Variants in TTC21B observed in about 807,000 individuals in gnomAD.
The protein encoded by TTC21B is tetratricopeptide repeat protein 21B.
Under a neutral mutation model 175.1 loss-of-function variants are expected in TTC21B, and 127 were observed. The ratio of observed to expected loss-of-function variants is 0.73; its 90% CI spans 0.63 to 0.84. TTC21B has a LOEUF of 0.84. Among genes scored for constraint, TTC21B ranks in the 40% least tolerant of loss-of-function variants. TTC21B has a pLI of 0.00. For missense variants in TTC21B, 1,561 were observed against 1,558.3 expected, an observed-to-expected ratio of 1.00 and a Z score of -0.03; for synonymous variants, 524 against 524.5, an observed-to-expected ratio of 1.00 and a Z score of 0.01.
intron 22 of TTC21B, among the ~76,000 whole-genome samples, chr2:165,895,652 AG>A (rs1263762092): frequency 3.4e-4 from 52 of 152,306 alleles, no homozygotes; most frequent in Non-Finnish European, 7.4e-5. Context: ...TAGAAATGGC[AG>A]GGAAAAAAAC....
intron 20 of TTC21B, 111 bp from the exon 21 acceptor site, chr2:165,899,991 ATGCC>A: frequency 6.6e-6 from 3 of 455,414 alleles, no homozygotes; most frequent in East Asian, 6.6e-5. Context: ...TTGCAATAAA[ATGCC>A]AAGTATAATA....
At position 165,888,477 on chromosome 2, in the gene TTC21B, G is replaced by C. The variant is rs189122492; in HGVS notation, c.3264-3C>G. 2.1e-5 allele frequency: 33 copies of C among 1,605,418 alleles called. No individual in the cohort carries two copies. The Admixed American group carries it at 3.7e-4, about 18-fold the overall frequency. On this transcript the variant is annotated splice_region_variant and splice_polypyrimidine_tract_variant and intron_variant, in intron 24 of 28. Transcript: ENST00000243344. ...ATTCTTGCTTCTCAGTTGAATTACTGTATATAATTAAAAATAAATCACTTC... is the reference window on the plus strand; with the variant it reads ...ATTCTTGCTTCTCAGTTGAATTACTCTATATAATTAAAAATAAATCACTTC...
At chr2:165,923,182 A>C (rs967209314) in intron 12 of TTC21B, among the ~76,000 whole-genome samples, 1 of 152,150 alleles carries the variant, frequency 6.6e-6, no homozygotes, top group Non-Finnish European at 1.5e-5. Context: ...AGACTTCAGC[A>C]CTATACAATT....
chr2:165,929,271 T>C lies in TTC21B; in HGVS notation c.1250A>G (p.Asn417Ser). The C allele has an allele frequency of 6.2e-7, 1 of 1,612,848 alleles. No individual in the cohort carries two copies. The highest frequency in any genetic ancestry group is 8.5e-7 in the Non-Finnish European group (1 of 1,179,250). ...KKNKRQEEVI[N>S]LLNDVLDTHF... ...AGTGTCCAGGACATCATTTAACAAA[T>C]TAATAACTTCTTCTTGTCGTTTATT... The change falls in exon 11 of 29, where the codon AAT becomes AGT. Residue 417 changes from asparagine (N) to serine (S), a missense_variant. By Grantham distance (46) the Asn-to-Ser change is conservative (BLOSUM62 1). Coordinates refer to ENST00000243344, the MANE Select transcript of TTC21B (RefSeq NM_024753.5).
Position 165,876,209 on chromosome 2 carries a change from A to C in TTC21B, c.3829T>G (p.Leu1277Val). ...GAATCCACATATCTTTTTGCTTTTAAGTAATTAAATGCCAGTTTGTATCCT... is the reference window on the plus strand; with the variant it reads ...GAATCCACATATCTTTTTGCTTTTACGTAATTAAATGCCAGTTTGTATCCT... ...AVGYKLAFNY[L>V]KAKRYVDSID... The change falls in exon 28 of 29, where the codon TTA becomes GTA. Residue 1277 changes from leucine (L) to valine (V), a missense_variant. Leu to Val is a conservative substitution (Grantham distance 32). Coordinates refer to ENST00000243344, the MANE Select transcript of TTC21B (RefSeq NM_024753.5). 1 of 1,598,490 alleles carries C rather than the reference A, an allele frequency of 6.3e-7. No homozygotes were observed. The highest frequency in any genetic ancestry group is 2.2e-5 in the East Asian group (1 of 44,686).
rs758368966 is a variant in TTC21B, at chr2:165,874,873, T to C, written c.3874-41A>G. 1.9e-6 allele frequency: 3 copies of C among 1,570,352 alleles called. No homozygotes were observed. The East Asian group carries it at 6.7e-5, about 35-fold the overall frequency. On this transcript the variant is annotated intron_variant, in intron 28 of 28. Transcript: ENST00000243344. ...AGAACCCATAAAAACTTGTAACTAA[T>C]AATCAAAAACTACGGAGTTACAAAA...
In TTC21B at chr2:165,888,449, C is replaced by T; in HGVS notation, c.3289G>A (p.Val1097Met). The T allele has an allele frequency of 6.2e-7, 1 of 1,613,708 alleles. No individual in the cohort carries two copies. The highest frequency in any genetic ancestry group is 8.5e-7 in the Non-Finnish European group (1 of 1,179,804). The change falls in exon 25 of 29, where the codon GTG (valine) becomes ATG (methionine). Residue 1097 changes from valine (V) to methionine (M), a missense_variant. Physicochemically the swap from Val to Met is conservative, Grantham distance 21. Transcript: ENST00000243344. Reference protein sequence around the residue: ...LGNSTEKQESVQLAVRTAEKL... With the variant: ...LGNSTEKQESMQLAVRTAEKL... ...TCTGCTGTTCTTACTGCCAGTTGCACAGATTCTTGCTTCTCAGTTGAATTA... is the reference window on the plus strand; with the variant it reads ...TCTGCTGTTCTTACTGCCAGTTGCATAGATTCTTGCTTCTCAGTTGAATTA...
chr2:165,919,745 A>G (rs1349420924), intron 12 of TTC21B, among the ~76,000 whole-genome samples: 1 of 152,210 alleles, frequency 6.6e-6, no homozygotes, highest in African/African-American at 2.4e-5. Context: ...CCTTGTCAAA[A>G]AAAGGTTTTA....
chr2:165,874,772 C>A lies in TTC21B; in HGVS notation c.3934G>T (p.Ala1312Ser). Residue 1312 changes from alanine to serine, a missense_variant, in exon 29 of 29, where the codon GCG becomes TCG. Physicochemically the swap from Ala to Ser is moderately conservative, Grantham distance 99 (BLOSUM62 1). Coordinates refer to ENST00000243344, the MANE Select transcript of TTC21B (RefSeq NM_024753.5). ...IRKDILDKAR[A>S]SLRP is the part of the protein sequence containing the mutation. ...AATTATTTTCAAGGTCTTAAAGACG[C>A]ACGGGCCTTATCAAGTATATCCTTT... 2 of 1,613,640 alleles carry A rather than the reference C, an allele frequency of 1.2e-6. No individual in the cohort carries two copies. Among genetic ancestry groups the A allele is most frequent in the Non-Finnish European group, 1.7e-6 (2 of 1,179,754 alleles).
At chr2:165,892,205 A>C (rs1685218584) in intron 22 of TTC21B, among the ~76,000 whole-genome samples, 1 of 152,162 alleles carries the variant, frequency 6.6e-6, no homozygotes, top group African/African-American at 2.4e-5. Flanking sequence ...GGACTTGTAA[A>C]AACCCTTAAA....
chr2:165,927,459 C>A, intron 11 of TTC21B, among the ~76,000 whole-genome samples: 1 of 147,528 alleles, frequency 6.8e-6, no homozygotes, highest in Non-Finnish European at 1.5e-5. Flanking sequence ...CATCACCCAA[C>A]CATGCTCTAT....
At chr2:165,953,570 G>A (rs1230915171) in intron 1 of TTC21B, 115 bp downstream of exon 1, 3 of 1,503,640 alleles carry the variant, frequency 2.0e-6, no homozygotes, top group Non-Finnish European at 2.7e-6. Flanking sequence ...GGGCACCGCA[G>A]GGAAACAGCG....
At chr2:165,910,322 G>A (rs1473636666) in intron 18 of TTC21B, among the ~76,000 whole-genome samples, 1 of 151,984 alleles carries the variant, frequency 6.6e-6, no homozygotes, top group Non-Finnish European at 1.5e-5. Flanking sequence ...AGAATGGTGT[G>A]AGCCCGGGCA....
chr2:165,927,577 T>C (rs765030296), intron 11 of TTC21B, among the ~76,000 whole-genome samples: 2 of 151,174 alleles, frequency 1.3e-5, no homozygotes, highest in Non-Finnish European at 2.9e-5. Context: ...TAGTTTGTTT[T>C]ACATGGGTAT....
At chr2:165,943,176 A>G (rs540836967) in intron 5 of TTC21B, 43 bp downstream of exon 5, 387 of 1,604,778 alleles carry the variant, frequency 2.4e-4, no homozygotes, top group Middle Eastern at 2.3e-3. Flanking sequence ...TATATTATGA[A>G]TATATTTTGA....
chr2:165,936,069 A>G (rs1322466248), intron 6 of TTC21B, among the ~76,000 whole-genome samples: 1 of 151,344 alleles, frequency 6.6e-6, no homozygotes, highest in East Asian at 1.9e-4. Flanking sequence ...AAGACTTACT[A>G]TAAAGCTTCA....
At chr2:165,944,765 A>C (rs1327520457) in intron 4 of TTC21B, among the ~76,000 whole-genome samples, 1 of 152,168 alleles carries the variant, frequency 6.6e-6, no homozygotes, top group African/African-American at 2.4e-5. Flanking sequence ...CCTGTATTCC[A>C]TCAAATATGA....
intron 8 of TTC21B, 36 bp downstream of exon 8, chr2:165,931,722 G>A: frequency 2.6e-6 from 4 of 1,528,878 alleles, no homozygotes; most frequent in Non-Finnish European, 3.6e-6. Context: ...CTCTACTATA[G>A]ATAACAGAGC....
intron 8 of TTC21B, among the ~76,000 whole-genome samples, chr2:165,931,250 T>C (rs1424141153): frequency 6.6e-6 from 1 of 152,134 alleles, no homozygotes; most frequent in Non-Finnish European, 1.5e-5. Flanking sequence ...CTTTTCAATA[T>C]TCTCATTCCT....
Sources: gnomAD v4.1 joint callset for allele counts (sites outside exome capture counted in the v4.1 genomes callset) on GRCh38, gnomAD v4.1.1 for gene constraint, MANE v1.5 for transcripts, NCBI Gene and HGNC (gene_info 2026-07-23, HGNC 2026-07-21) for gene names.